BCAS3: variants seen among roughly 807,000 people sequenced by gnomAD.
BCAS3 encodes the protein BCAS3 microtubule associated cell migration factor, also known as BCAS4/BCAS3 fusion.
A neutral mutation model predicts 116.1 loss-of-function variants in BCAS3; 53 were observed. That is an observed-to-expected ratio of 0.46 (90% CI 0.37 to 0.57). The LOEUF is 0.57. Ranked by LOEUF, BCAS3 falls within the 20% of genes least tolerant of loss-of-function variation. BCAS3 has a pLI of 0.00. For synonymous variants in BCAS3, 391 were observed against 408.2 expected, an observed-to-expected ratio of 0.96 and a Z score of 0.51; for missense variants, 917 against 1,165.4, an observed-to-expected ratio of 0.79 and a Z score of 3.10.
chr17:61,077,622 G>A lies in BCAS3; in HGVS notation c.2131-711G>A, dbSNP rs1462867883. 6.6e-6 allele frequency among the ~76,000 whole-genome samples: 1 copy of A among 152,150 alleles called. No homozygotes were observed. The highest frequency in any genetic ancestry group is 2.4e-5 in the African/African-American group (1 of 41,428). On this transcript the variant is annotated intron_variant, in intron 20 of 23. Coordinates refer to ENST00000407086, the MANE Select transcript of BCAS3 (RefSeq NM_017679.5). This position sits in a 1 kb window ranked among gnomAD's most constrained non-coding sequence, Gnocchi z 4.3. Reference sequence around the variant, plus strand: ...AGCATTTTGGTATTACTGTTTTGTAGCACATCAAATGCCTGTGTCGATATT... The same window carrying A: ...AGCATTTTGGTATTACTGTTTTGTAACACATCAAATGCCTGTGTCGATATT...
intron 23 of BCAS3, among the ~76,000 whole-genome samples, chr17:61,371,857 A>C (rs2059065192): frequency 6.6e-6 from 1 of 152,172 alleles, no homozygotes; most frequent in Non-Finnish European, 1.5e-5. Flanking sequence ...GCGCATGCTG[A>C]AGTTTGAGAA....
chr17:60,771,946 A>G (rs1395487351), intron 6 of BCAS3, among the ~76,000 whole-genome samples: 1 of 152,180 alleles, frequency 6.6e-6, no homozygotes, highest in African/African-American at 2.4e-5. Flanking sequence ...TTCTTAATCC[A>G]GTCTATCATT....
chr17:60,723,711 C>CTTTTTTTTTTTT (rs549083159), intron 5 of BCAS3, among the ~76,000 whole-genome samples: 5 of 88,894 alleles, frequency 5.6e-5, no homozygotes, highest in Non-Finnish European at 8.8e-5. Flanking sequence ...CACTTTCTTT[C>CTTTTTTTTTTTT]TTTTTTTTTT....
rs932170360 is a variant in BCAS3 at position 61,337,289 on chromosome 17, G to C, written c.2426-31038G>C. On this transcript the variant is annotated intron_variant, in intron 22 of 23. Transcript: ENST00000407086. This position sits in a 1 kb window ranked among gnomAD's most constrained non-coding sequence, Gnocchi z 4.8. Reference sequence around the variant, plus strand: ...GTTCACGTATCTTGGGAAGTTATTGGTGGAGAGCACTGGTGTTCCTGGCTA... The same window carrying C: ...GTTCACGTATCTTGGGAAGTTATTGCTGGAGAGCACTGGTGTTCCTGGCTA... Among the ~76,000 whole-genome samples the C allele has an allele frequency of 1.3e-5, 2 of 152,176 alleles. No individual in the cohort carries two copies. The highest frequency in any genetic ancestry group is 4.8e-5 in the African/African-American group (2 of 41,422).
chr17:60,685,851 G>A (rs2033950251), intron 3 of BCAS3, among the ~76,000 whole-genome samples: 2 of 151,866 alleles, frequency 1.3e-5, no homozygotes, highest in African/African-American at 4.8e-5. Flanking sequence ...AGCAATAATA[G>A]GAGTAACTTT....
At chr17:60,691,267 C>A (rs7208842) in intron 4 of BCAS3, among the ~76,000 whole-genome samples, 2 of 152,116 alleles carry the variant, frequency 1.3e-5, no homozygotes, top group Non-Finnish European at 2.9e-5. Flanking sequence ...TTGAGAATTG[C>A]TGGCTTATAT....
At chr17:60,792,389 G>T (rs533104164) in intron 6 of BCAS3, among the ~76,000 whole-genome samples, 1 of 152,184 alleles carries the variant, frequency 6.6e-6, no homozygotes. Flanking sequence ...CCCCCCGCTC[G>T]CTTGCTTACA....
intron 10 of BCAS3, among the ~76,000 whole-genome samples, chr17:60,892,106 T>G (rs1031588118): frequency 6.6e-6 from 1 of 152,210 alleles, no homozygotes; most frequent in Non-Finnish European, 1.5e-5. Context: ...AGTACTGCGA[T>G]GAAAATACAA....
At chr17:60,927,182 T>C (rs9913985) in intron 13 of BCAS3, among the ~76,000 whole-genome samples, 4,268 of 152,250 alleles carry the variant, frequency 0.028, 218 homozygotes, top group African/African-American at 0.098. Context: ...ATTTTGACAA[T>C]GAAAGTGATA....
chr17:60,964,537 T>G lies in BCAS3; in HGVS notation c.1221+17185T>G, dbSNP rs975962442. 1.4e-4 allele frequency among the ~76,000 whole-genome samples: 22 copies of G among 152,206 alleles called. No homozygotes were observed. The highest frequency in any genetic ancestry group is 5.3e-4 in the African/African-American group (22 of 41,466). ...TCCTTATCTGATTTTACTGTCAAGG[T>G]AATGCTGGCCTTATAGAATGAGTTT... On this transcript the variant is annotated intron_variant, in intron 14 of 23. Transcript: ENST00000407086. This position sits in a 1 kb window ranked among gnomAD's most constrained non-coding sequence, Gnocchi z 4.6.
intron 14 of BCAS3, among the ~76,000 whole-genome samples, chr17:60,978,660 A>C (rs1370414887): frequency 1.3e-5 from 2 of 152,198 alleles, no homozygotes; most frequent in Admixed American, 1.3e-4. Flanking sequence ...TCTTTAATCC[A>C]TCCTGAATTG....
At position 61,196,254 on chromosome 17, in the gene BCAS3, T is replaced by C. The variant is rs1459835248; in HGVS notation, c.2425+111690T>C. ...TTTTTTCAACTGATACTTCCAGCTC[T>C]GGATTCTGTGACATTTGCCCAAAGG... On this transcript the variant is annotated intron_variant, in intron 22 of 23. Transcript: ENST00000407086. This position sits in a 1 kb window ranked among gnomAD's most constrained non-coding sequence, Gnocchi z 4.7. Among the ~76,000 whole-genome samples, 1 of 152,236 alleles carries C rather than the reference T, an allele frequency of 6.6e-6. No individual in the cohort carries two copies. The highest frequency in any genetic ancestry group is 1.5e-5 in the Non-Finnish European group (1 of 68,036).
intron 6 of BCAS3, among the ~76,000 whole-genome samples, chr17:60,781,960 G>A (rs1026629258): frequency 1.3e-5 from 2 of 151,936 alleles, no homozygotes; most frequent in South Asian, 4.2e-4. Context: ...AATTCTTCCT[G>A]TCTTCTGTCA....
intron 4 of BCAS3, among the ~76,000 whole-genome samples, chr17:60,694,124 G>A (rs1406328634): frequency 6.6e-6 from 1 of 150,632 alleles, no homozygotes; most frequent in Non-Finnish European, 1.5e-5. Context: ...CTGACCTCAT[G>A]ATCTGCCCGC....
chr17:60,842,086 G>A (rs1298811657), intron 7 of BCAS3, among the ~76,000 whole-genome samples: 1 of 152,130 alleles, frequency 6.6e-6, no homozygotes, highest in African/African-American at 2.4e-5. Context: ...TTATACTTCT[G>A]TATATCTTTA....
At chr17:61,174,021 CAAG>C (rs1015974963) in intron 22 of BCAS3, among the ~76,000 whole-genome samples, 2 of 152,062 alleles carry the variant, frequency 1.3e-5, no homozygotes, top group Admixed American at 1.3e-4. Context: ...TCATCAAAAT[CAAG>C]AAAGTCAGTT....
chr17:61,320,025 G>T (rs1238684315), intron 22 of BCAS3, among the ~76,000 whole-genome samples: 1 of 151,534 alleles, frequency 6.6e-6, no homozygotes, highest in African/African-American at 2.4e-5. Flanking sequence ...GAGCAGCTGG[G>T]ATTACAGGCT....
chr17:61,128,648 C>T lies in BCAS3; in HGVS notation c.2425+44084C>T. 1 of 943,982 alleles carries T rather than the reference C, an allele frequency of 1.1e-6. No individual in the cohort carries two copies. Among genetic ancestry groups the T allele is most frequent in the African/African-American group, 1.8e-5 (1 of 56,376 alleles). The allele number at this position is 943,982 out of a possible 1,614,324, so 58.5% of individuals were successfully genotyped here. On this transcript the variant is annotated intron_variant, in intron 22 of 23. Coordinates refer to ENST00000407086, the MANE Select transcript of BCAS3 (RefSeq NM_017679.5). This position sits in a 1 kb window ranked among gnomAD's most constrained non-coding sequence, Gnocchi z 4.1. ...AGAGTTTGTGACAGAAACTGTTAGC[C>T]CTCTTTTGTATTGTTTCTGCATCGT...
rs557947944 is a variant in BCAS3, at chr17:61,388,093, G to A, written c.2594-3884G>A. 8.5e-5 allele frequency among the ~76,000 whole-genome samples: 13 copies of A among 152,322 alleles called. No homozygotes were observed. The South Asian group carries it at 2.7e-3, about 32-fold the overall frequency. On this transcript the variant is annotated intron_variant, in intron 23 of 23. Coordinates refer to ENST00000407086, the MANE Select transcript of BCAS3 (RefSeq NM_017679.5). This position sits in a 1 kb window ranked among gnomAD's most constrained non-coding sequence, Gnocchi z 6.5. ...CAGCACTCTCTTTCGGGCCCTGGCAGGTTCCTGATGGACTTCCCCAACAGG... is the reference window on the plus strand; with the variant it reads ...CAGCACTCTCTTTCGGGCCCTGGCAAGTTCCTGATGGACTTCCCCAACAGG...
Sources: gnomAD v4.1 joint callset for allele counts (sites outside exome capture counted in the v4.1 genomes callset) on GRCh38, gnomAD v4.1.1 for gene constraint, Gnocchi (gnomAD v3.1) non-coding constraint, MANE v1.5 for transcripts, NCBI Gene and HGNC (gene_info 2026-07-23, HGNC 2026-07-21) for gene names.